Variants in CACNA2D3 observed in about 807,000 individuals in gnomAD.
CACNA2D3 encodes the protein calcium voltage-gated channel auxiliary subunit alpha2delta 3, also known as voltage-dependent calcium channel subunit alpha-2/delta-3.
Under a neutral mutation model 160.6 loss-of-function variants are expected in CACNA2D3, and 60 were observed. That is an observed-to-expected ratio of 0.37 (90% CI 0.30 to 0.46). CACNA2D3 has a LOEUF of 0.46. Among genes scored for constraint, CACNA2D3 ranks in the 20% least tolerant of loss-of-function variants. CACNA2D3 has a pLI of 1.00. For synonymous variants in CACNA2D3, 558 were observed against 492.9 expected, an observed-to-expected ratio of 1.13 and a Z score of -1.75; for missense variants, 1,205 against 1,365.0, an observed-to-expected ratio of 0.88 and a Z score of 1.85.
intron 2 of CACNA2D3, among the ~76,000 whole-genome samples, chr3:54,132,323 A>G (rs944926163): frequency 6.6e-6 from 1 of 152,242 alleles, no homozygotes; most frequent in Admixed American, 6.5e-5. Flanking sequence ...CAGACAAATC[A>G]TTATCTGGCA....
chr3:54,534,907 A>G (rs903491265), intron 5 of CACNA2D3, among the ~76,000 whole-genome samples: 5 of 152,224 alleles, frequency 3.3e-5, no homozygotes, highest in Non-Finnish European at 7.3e-5. Context: ...AGCCTGGGTG[A>G]CAGAGCTAGC....
intron 3 of CACNA2D3, among the ~76,000 whole-genome samples, chr3:54,368,283 A>G (rs1027109333): frequency 6.6e-6 from 1 of 152,216 alleles, no homozygotes; most frequent in Non-Finnish European, 1.5e-5. Flanking sequence ...CAGCCTAGGC[A>G]ATGTAGGGAC....
chr3:54,545,915 T>G (rs1222228074), intron 5 of CACNA2D3, among the ~76,000 whole-genome samples: 1 of 152,192 alleles, frequency 6.6e-6, no homozygotes, highest in African/African-American at 2.4e-5. Flanking sequence ...GGGCTTGCAT[T>G]CAGATCCAAG....
intron 14 of CACNA2D3, among the ~76,000 whole-genome samples, chr3:54,836,550 T>C (rs1255295849): frequency 2.0e-5 from 3 of 152,176 alleles, no homozygotes; most frequent in Non-Finnish European, 2.9e-5. Flanking sequence ...GCCATTCTTA[T>C]AAGAGAAATG....
rs114931927 is a variant in CACNA2D3, at chr3:55,027,673, C to T, written c.2987+9356C>T. Among the ~76,000 whole-genome samples the T allele has an allele frequency of 8.4e-3, 1,275 of 152,264 alleles. 9 individuals carry two copies. The highest frequency in any genetic ancestry group is 0.011 in the Non-Finnish European group (751 of 68,018). On this transcript the variant is annotated intron_variant, in intron 35 of 37. Coordinates refer to ENST00000474759, the MANE Select transcript of CACNA2D3 (RefSeq NM_018398.3). ...CAGGGGCAATGACATTCAAAAATAA[C>T]ACAATTCTGCAGCGTTTGGCCAGGA...
At chr3:54,220,972 G>A (rs755007827) in intron 2 of CACNA2D3, among the ~76,000 whole-genome samples, 1 of 152,206 alleles carries the variant, frequency 6.6e-6, no homozygotes. Flanking sequence ...GAGGCCTTGG[G>A]TGGGAATGGA....
At chr3:54,387,504 T>A (rs1699207736) in intron 4 of CACNA2D3, among the ~76,000 whole-genome samples, 1 of 151,928 alleles carries the variant, frequency 6.6e-6, no homozygotes, top group Non-Finnish European at 1.5e-5. Context: ...ATACAAAAAT[T>A]AGCTGGGCGT....
At chr3:54,769,190 T>C (rs1702274911) in intron 13 of CACNA2D3, among the ~76,000 whole-genome samples, 1 of 152,104 alleles carries the variant, frequency 6.6e-6, no homozygotes, top group South Asian at 2.1e-4. Context: ...CTGAGATGCT[T>C]ACCAACTTTG....
At chr3:54,827,406 T>A (rs1477061354) in intron 14 of CACNA2D3, among the ~76,000 whole-genome samples, 2 of 152,206 alleles carry the variant, frequency 1.3e-5, no homozygotes, top group East Asian at 3.8e-4. Context: ...GAAAGATAGA[T>A]CAATAAAAAT....
chr3:54,987,025 A>C (rs1702629646), intron 30 of CACNA2D3, among the ~76,000 whole-genome samples: 1 of 152,158 alleles, frequency 6.6e-6, no homozygotes, highest in Admixed American at 6.5e-5. Context: ...GTGGGGAATG[A>C]CTGCAAAGCT....
chr3:54,973,027 TG>T (rs1489056185), intron 29 of CACNA2D3, among the ~76,000 whole-genome samples: 2 of 152,058 alleles, frequency 1.3e-5, no homozygotes, highest in Non-Finnish European at 2.9e-5. Context: ...TCATCAATTG[TG>T]GTAAGTCCTG....
chr3:54,271,937 C>G (rs1043823135), intron 2 of CACNA2D3, among the ~76,000 whole-genome samples: 1 of 152,210 alleles, frequency 6.6e-6, no homozygotes, highest in East Asian at 1.9e-4. Flanking sequence ...GGCAAAGTCC[C>G]CAGTGGCTTG....
intron 12 of CACNA2D3, 45 bp from the exon 13 acceptor site, chr3:54,764,173 C>G: frequency 6.2e-7 from 1 of 1,609,146 alleles, no homozygotes; most frequent in Non-Finnish European, 8.5e-7. Context: ...AGTTGCAAGT[C>G]TTTCTGTCTG....
intron 2 of CACNA2D3, among the ~76,000 whole-genome samples, chr3:54,142,438 C>G (rs556351465): frequency 1.3e-5 from 2 of 152,316 alleles, no homozygotes; most frequent in South Asian, 2.1e-4. Flanking sequence ...CCAACCTCCT[C>G]CTCTTTGTAC....
chr3:54,393,698 G>C (rs564104728), intron 4 of CACNA2D3, among the ~76,000 whole-genome samples: 1 of 152,224 alleles, frequency 6.6e-6, no homozygotes, highest in East Asian at 1.9e-4. Flanking sequence ...ACATCAACTC[G>C]TGGGGAAATG....
At chr3:54,793,889 A>G (rs1490500089) in intron 13 of CACNA2D3, among the ~76,000 whole-genome samples, 1 of 152,118 alleles carries the variant, frequency 6.6e-6, no homozygotes, top group East Asian at 1.9e-4. Context: ...CTCATTCCAA[A>G]TTCATTTTCT....
intron 4 of CACNA2D3, among the ~76,000 whole-genome samples, chr3:54,451,567 T>A (rs1028480774): frequency 1.3e-5 from 2 of 152,184 alleles, no homozygotes; most frequent in African/African-American, 4.8e-5. Context: ...ACGAGTCACA[T>A]GCCTAATCTC....
chr3:54,756,744 T>G (rs1701977972), intron 12 of CACNA2D3, among the ~76,000 whole-genome samples: 2 of 152,136 alleles, frequency 1.3e-5, no homozygotes, highest in South Asian at 2.1e-4. Flanking sequence ...GACTTCTTCC[T>G]TGGGAGTCTG....
At chr3:55,009,520 G>A in intron 34 of CACNA2D3, 77 bp downstream of exon 34, 1 of 1,334,972 alleles carries the variant, frequency 7.5e-7, no homozygotes, top group South Asian at 1.2e-5. Context: ...CATCAGGGAT[G>A]TGCTGGCTCA....
Sources: allele counts gnomAD v4.1 joint callset (sites outside exome capture counted in the v4.1 genomes callset), GRCh38; gene constraint gnomAD v4.1.1; transcripts MANE v1.5; gene names NCBI Gene and HGNC (gene_info 2026-07-23, HGNC 2026-07-21).